Variants in PRKCA observed in about 807,000 individuals in gnomAD.
The protein encoded by PRKCA is protein kinase C alpha type.
In PRKCA, 27 loss-of-function variants were observed where a neutral mutation model predicts 87.0. The observed-to-expected ratio is 0.31, with a 90% CI of 0.23 to 0.43. The LOEUF is 0.43. PRKCA is among the 20% of genes least tolerant of loss of function. The pLI is 1.00. For missense variants in PRKCA, 518 were observed against 852.3 expected (o/e 0.61, Z 4.88); for synonymous variants, 329 against 311.1 (o/e 1.06, Z -0.61).
In PRKCA at chr17:66,730,882, C is replaced by T. The variant is rs188465148; in HGVS notation, c.919-1806C>T. Among the ~76,000 whole-genome samples, 96 of 152,284 alleles carry T rather than the reference C, an allele frequency of 6.3e-4. 1 individual carries two copies. Among genetic ancestry groups the T allele is most frequent in the African/African-American group, 1.9e-3 (81 of 41,566 alleles). ...AGGCATGGTGGTGCTCCAAGAGGGA[C>T]GACGGATGATTCCTCGGAAGCCTTC... On this transcript the variant is annotated intron_variant, in intron 8 of 16. Transcript: ENST00000413366.
At chr17:66,629,608 T>G (rs1269822913) in intron 3 of PRKCA, among the ~76,000 whole-genome samples, 2 of 152,242 alleles carry the variant, frequency 1.3e-5, no homozygotes, top group Non-Finnish European at 2.9e-5. Flanking sequence ...GCTTCTTGTA[T>G]TCCTATTTTA....
chr17:66,362,626 G>A (rs1202838336), intron 2 of PRKCA, among the ~76,000 whole-genome samples: 1 of 152,024 alleles, frequency 6.6e-6, no homozygotes, highest in Non-Finnish European at 1.5e-5. Flanking sequence ...TACCTGATGG[G>A]GAAATGTATT....
chr17:66,497,680 C>T (rs1239696217), intron 3 of PRKCA, among the ~76,000 whole-genome samples: 1 of 152,170 alleles, frequency 6.6e-6, no homozygotes, highest in Non-Finnish European at 1.5e-5. Flanking sequence ...TCAGTTTAGT[C>T]ACTCAAATTG....
chr17:66,709,301 C>CTTTTTTTTTTTTT (rs552633887), intron 8 of PRKCA, among the ~76,000 whole-genome samples: 2 of 84,908 alleles, frequency 2.4e-5, no homozygotes, highest in African/African-American at 4.8e-5. Flanking sequence ...GAGATGATTT[C>CTTTTTTTTTTTTT]TTTTTTTTTT....
chr17:66,615,309 G>T (rs76660264), intron 3 of PRKCA, among the ~76,000 whole-genome samples: 1 of 152,138 alleles, frequency 6.6e-6, no homozygotes, highest in African/African-American at 2.4e-5. Flanking sequence ...TCAAATGAGG[G>T]TTCTCTTATG....
intron 8 of PRKCA, among the ~76,000 whole-genome samples, chr17:66,697,683 G>A (rs1972959285): frequency 6.6e-6 from 1 of 152,178 alleles, no homozygotes; most frequent in Non-Finnish European, 1.5e-5. Flanking sequence ...GAGAGGCTGA[G>A]AGCAGGAAAG....
rs759806303 is a variant in PRKCA at position 66,615,259 on chromosome 17, A to G, written c.289-26096A>G. On this transcript the variant is annotated intron_variant, in intron 3 of 16. Coordinates refer to ENST00000413366, the MANE Select transcript of PRKCA (RefSeq NM_002737.3). Reference sequence around the variant, plus strand: ...ACCATGTTTAGCTGCAAAGAAGGGGAAAAATGTTTTCTTCTGTTTCAGGCC... The same window carrying G: ...ACCATGTTTAGCTGCAAAGAAGGGGGAAAATGTTTTCTTCTGTTTCAGGCC... 9.4e-4 allele frequency among the ~76,000 whole-genome samples: 143 copies of G among 152,162 alleles called. 1 individual carries two copies. Among genetic ancestry groups the G allele is most frequent in the Non-Finnish European group, 1.5e-3 (101 of 68,034 alleles).
At chr17:66,383,501 C>G (rs1909885113) in intron 2 of PRKCA, among the ~76,000 whole-genome samples, 2 of 152,092 alleles carry the variant, frequency 1.3e-5, no homozygotes, top group Admixed American at 6.6e-5. Context: ...CGTCACAACC[C>G]TCAGAAGTCA....
chr17:66,508,620 C>A (rs994679234), intron 3 of PRKCA, among the ~76,000 whole-genome samples: 1 of 152,210 alleles, frequency 6.6e-6, no homozygotes, highest in Admixed American at 6.5e-5. Context: ...GATCCCAAGC[C>A]AGAAGTCTCA....
At chr17:66,772,032 A>G (rs1244320900) in intron 13 of PRKCA, among the ~76,000 whole-genome samples, 1 of 152,236 alleles carries the variant, frequency 6.6e-6, no homozygotes, top group African/African-American at 2.4e-5. Flanking sequence ...AAATATAATG[A>G]CATTGGTATC....
intron 16 of PRKCA, among the ~76,000 whole-genome samples, chr17:66,798,328 T>C (rs1975717718): frequency 6.7e-6 from 1 of 149,450 alleles, no homozygotes; most frequent in Admixed American, 6.8e-5. Context: ...CTGCTTTTCC[T>C]TTCTCCAAGG....
intron 13 of PRKCA, among the ~76,000 whole-genome samples, chr17:66,756,352 G>A (rs1003029711): frequency 4.6e-5 from 7 of 151,980 alleles, no homozygotes; most frequent in Admixed American, 4.6e-4. Flanking sequence ...CAAGAGGAGA[G>A]GGGGGAGACC....
chr17:66,675,527 G>A (rs143937877), intron 5 of PRKCA, among the ~76,000 whole-genome samples: 54 of 152,288 alleles, frequency 3.5e-4, no homozygotes, highest in African/African-American at 1.3e-3. Flanking sequence ...CTCGGTCCCT[G>A]CAGAACCAGG....
intron 13 of PRKCA, among the ~76,000 whole-genome samples, chr17:66,760,372 G>A (rs763619722): frequency 2.0e-5 from 3 of 151,968 alleles, no homozygotes; most frequent in Middle Eastern, 3.4e-3. Flanking sequence ...ACGTAGATAC[G>A]ACTTATCAAA....
intron 3 of PRKCA, among the ~76,000 whole-genome samples, chr17:66,637,424 G>A (rs1453867318): frequency 6.6e-6 from 1 of 152,110 alleles, no homozygotes; most frequent in Non-Finnish European, 1.5e-5. Flanking sequence ...ATTGGTGCTG[G>A]CACCAACCTA....
intron 3 of PRKCA, among the ~76,000 whole-genome samples, chr17:66,612,674 A>G (rs189783754): frequency 4.3e-4 from 65 of 151,766 alleles, no homozygotes; most frequent in South Asian, 6.2e-4. Flanking sequence ...CTCATACTAT[A>G]TAAATTAGAG....
intron 2 of PRKCA, among the ~76,000 whole-genome samples, chr17:66,314,182 TAG>T (rs2143161477): frequency 6.6e-6 from 1 of 152,256 alleles, no homozygotes; most frequent in East Asian, 1.9e-4. Context: ...GGATTTATAT[TAG>T]GAGAGGAAAG....
chr17:66,562,076 TATATATATAATTAA>T (rs1159102442), intron 3 of PRKCA, among the ~76,000 whole-genome samples: 4,684 of 123,010 alleles, frequency 0.038, 164 homozygotes, highest in Middle Eastern at 0.077. Flanking sequence ...ATAATTAAAT[TATATATATAATTAA>T]ATATATATAA....
At position 66,588,635 on chromosome 17, in the gene PRKCA, C is replaced by CTTT. The variant is rs397856363; in HGVS notation, c.289-52695_289-52693dup. 2.1e-3 allele frequency among the ~76,000 whole-genome samples: 84 copies of CTTT among 39,108 alleles called. 4 individuals carry two copies. Among genetic ancestry groups the CTTT allele is most frequent in the African/African-American group, 9.0e-3 (77 of 8,546 alleles). 25.7% of individuals were successfully genotyped at this position (39,108 alleles called of 152,430 possible). ...CTTTCTGAGGTTTTATTTTGCTTTG[C>CTTT]TTTTTTTTTTTTTTTTTTTTTTTTT... On this transcript the variant is annotated intron_variant, in intron 3 of 16. Transcript: ENST00000413366.
Sources: allele counts gnomAD v4.1 joint callset (sites outside exome capture counted in the v4.1 genomes callset), GRCh38; gene constraint gnomAD v4.1.1; transcripts MANE v1.5; gene names NCBI Gene and HGNC (gene_info 2026-07-23, HGNC 2026-07-21).